Variants in IQCM observed in about 807,000 individuals in gnomAD.
IQCM encodes the protein IQ domain-containing protein M.
IQCM carries 45 observed loss-of-function variants against 57.6 expected under a neutral mutation model. The observed-to-expected ratio is 0.78, with a 90% confidence interval of 0.62 to 1.00. The LOEUF (loss-of-function observed/expected upper bound fraction) is 1.00, where lower values mean the gene tolerates loss of function less well. Ranked by LOEUF, IQCM falls within the 50% of genes least tolerant of loss-of-function variation. The probability of loss-of-function intolerance (pLI) is 0.00; values close to 1 mark genes in which losing one functional copy is unlikely to be tolerated. For synonymous variants in IQCM, 148 were observed against 158.9 expected, an observed-to-expected ratio of 0.93 and a Z score of 0.51; for missense variants, 468 against 511.6, an observed-to-expected ratio of 0.91 and a Z score of 0.82.
At chr4:149,401,997 C>T (rs182605318) in intron 13 of IQCM, among the ~76,000 whole-genome samples, 3 of 151,722 alleles carry the variant, frequency 2.0e-5, no homozygotes, top group African/African-American at 7.2e-5. Context: ...AATGTTGATA[C>T]ACGGATATAA....
intron 12 of IQCM, among the ~76,000 whole-genome samples, chr4:149,479,854 G>T (rs910983400): frequency 6.6e-6 from 1 of 152,084 alleles, no homozygotes; most frequent in Non-Finnish European, 1.5e-5. Flanking sequence ...CCAAGACAGG[G>T]GCCCAAGAGA....
chr4:149,664,600 T>A (rs773834823), intron 7 of IQCM, among the ~76,000 whole-genome samples: 5 of 152,122 alleles, frequency 3.3e-5, no homozygotes, highest in African/African-American at 4.8e-5. Flanking sequence ...ATGGCTAAGA[T>A]GTGAGAGTTT....
rs1398531698 is a variant in IQCM, at chr4:149,621,175, C to G, written c.635G>C (p.Arg212Pro). 13 of 1,231,596 alleles carry G rather than the reference C, an allele frequency of 1.1e-5. No individual in the cohort carries two copies. The highest frequency in any genetic ancestry group is 3.1e-4 in the Middle Eastern group (1 of 3,228). The allele number at this position is 1,231,596 out of a possible 1,614,324, so 76.3% of individuals were successfully genotyped here. Residue 212 changes from arginine (R) to proline (P), a missense_variant, in exon 8 of 14, where the codon CGA becomes CCA. By Grantham distance (103) the Arg-to-Pro change is moderately radical. Transcript: ENST00000636793. ...RSFRLACDSR[R>P]VSFSQSSSIF... Reference sequence around the variant, plus strand: ...TGATGATGATTGAGAGAAACTAACTCGACGGGAGTCACAAGCCAAACGGAA... The same window carrying G: ...TGATGATGATTGAGAGAAACTAACTGGACGGGAGTCACAAGCCAAACGGAA...
intron 12 of IQCM, among the ~76,000 whole-genome samples, chr4:149,470,048 G>A (rs1162545522): frequency 6.6e-6 from 1 of 152,140 alleles, no homozygotes; most frequent in African/African-American, 2.4e-5. Flanking sequence ...ATCAATGCTA[G>A]GAAGAAACTG....
chr4:149,479,538 C>A (rs532788786), intron 12 of IQCM, among the ~76,000 whole-genome samples: 1 of 152,144 alleles, frequency 6.6e-6, no homozygotes, highest in Non-Finnish European at 1.5e-5. Flanking sequence ...AAGAAGAGGA[C>A]CCTGAAAAAC....
chr4:149,647,214 T>C (rs1758722004), intron 7 of IQCM, among the ~76,000 whole-genome samples: 1 of 152,182 alleles, frequency 6.6e-6, no homozygotes, highest in Admixed American at 6.5e-5. Flanking sequence ...ACAACTCAAC[T>C]GCTCTTTAAT....
intron 13 of IQCM, among the ~76,000 whole-genome samples, chr4:149,410,814 A>G (rs1222026869): frequency 3.3e-5 from 5 of 152,126 alleles, no homozygotes; most frequent in African/African-American, 1.2e-4. Context: ...AGTGCTGGCC[A>G]ATAGTTAACA....
chr4:149,571,028 C>A (rs1441040443), intron 9 of IQCM, among the ~76,000 whole-genome samples: 1 of 152,010 alleles, frequency 6.6e-6, no homozygotes, highest in Non-Finnish European at 1.5e-5. Context: ...GAACAGGGAA[C>A]CCCTGCACAC....
intron 13 of IQCM, among the ~76,000 whole-genome samples, chr4:149,390,506 A>G (rs1409434443): frequency 6.6e-6 from 1 of 151,576 alleles, no homozygotes; most frequent in Non-Finnish European, 1.5e-5. Context: ...GACATTTCTG[A>G]TCTTAGGGGA....
intron 7 of IQCM, among the ~76,000 whole-genome samples, chr4:149,640,701 C>T (rs375326358): frequency 2.6e-5 from 4 of 152,100 alleles, no homozygotes; most frequent in Non-Finnish European, 4.4e-5. Flanking sequence ...TTTTATCCAA[C>T]GTTGTGTTTG....
chr4:149,641,444 C>T (rs1235639751), intron 7 of IQCM, among the ~76,000 whole-genome samples: 1 of 152,038 alleles, frequency 6.6e-6, no homozygotes, highest in East Asian at 1.9e-4. Flanking sequence ...AAGAAAAACA[C>T]TTTCATTCAT....
intron 13 of IQCM, among the ~76,000 whole-genome samples, chr4:149,432,251 A>G (rs1327100482): frequency 6.6e-6 from 1 of 151,894 alleles, no homozygotes; most frequent in African/African-American, 2.4e-5. Flanking sequence ...AGCCTTTCTA[A>G]TAAGTGAGAA....
At chr4:149,402,463 C>T (rs772042963) in intron 13 of IQCM, among the ~76,000 whole-genome samples, 2 of 151,670 alleles carry the variant, frequency 1.3e-5, no homozygotes, top group Non-Finnish European at 3.0e-5. Context: ...ACTGTGTTTT[C>T]AAACATATAT....
chr4:149,771,051 C>A (rs1770526844), intron 2 of IQCM, among the ~76,000 whole-genome samples: 1 of 152,030 alleles, frequency 6.6e-6, no homozygotes, highest in South Asian at 2.1e-4. Flanking sequence ...TATTTTCCAT[C>A]TCTTTATATG....
chr4:149,395,762 T>C (rs1732179100), intron 13 of IQCM, among the ~76,000 whole-genome samples: 1 of 152,070 alleles, frequency 6.6e-6, no homozygotes, highest in Non-Finnish European at 1.5e-5. Flanking sequence ...CTGGCTGTTA[T>C]AATTAGTATT....
At chr4:149,387,716 T>G (rs756474527) in intron 13 of IQCM, among the ~76,000 whole-genome samples, 5 of 152,004 alleles carry the variant, frequency 3.3e-5, no homozygotes, top group Non-Finnish European at 5.9e-5. Context: ...ATTTCACTCC[T>G]TTAAAGTGCA....
intron 5 of IQCM, among the ~76,000 whole-genome samples, chr4:149,686,914 TTATTTGA>T (rs141172978): frequency 6.6e-6 from 1 of 151,698 alleles, no homozygotes; most frequent in Non-Finnish European, 1.5e-5. Context: ...AGAAATCTCA[TTATTTGA>T]TAGAGTAAGA....
intron 13 of IQCM, among the ~76,000 whole-genome samples, chr4:149,383,477 A>G (rs187415536): frequency 1.2e-4 from 19 of 152,260 alleles, no homozygotes; most frequent in Non-Finnish European, 2.5e-4. Context: ...ATTTAACACA[A>G]TCCTGTTTTT....
At chr4:149,446,014 A>C (rs1247105704) in intron 12 of IQCM, among the ~76,000 whole-genome samples, 1 of 151,780 alleles carries the variant, frequency 6.6e-6, no homozygotes, top group Non-Finnish European at 1.5e-5. Context: ...TTTTCCCTCA[A>C]AAATCTTGAC....
Sources: allele counts gnomAD v4.1 joint callset (sites outside exome capture counted in the v4.1 genomes callset), GRCh38; gene constraint gnomAD v4.1.1; transcripts MANE v1.5; gene names NCBI Gene and HGNC (gene_info 2026-07-23, HGNC 2026-07-21).